Variants in PSMC1 observed in about 807,000 individuals in gnomAD.
PSMC1 encodes 26S proteasome regulatory subunit 4.
In PSMC1, 5 loss-of-function variants were observed where a neutral mutation model predicts 49.8. That is an observed-to-expected ratio of 0.10 (90% CI 0.05 to 0.21). The LOEUF (loss-of-function observed/expected upper bound fraction) is 0.21. Ranked by LOEUF, PSMC1 falls within the 10% of genes least tolerant of loss-of-function variation. The pLI is 1.00. For missense variants in PSMC1, 181 were observed against 535.7 expected (o/e 0.34, Z 6.54); for synonymous variants, 155 against 192.1 (o/e 0.81, Z 1.60).
chr14:90,268,538 T>C, intron 8 of PSMC1, 125 bp downstream of exon 8: 1 of 903,648 alleles, frequency 1.1e-6, no homozygotes, highest in Non-Finnish European at 1.7e-6. Flanking sequence ...TGGCCTTCCA[T>C]GCATGCTTTA....
intron 10 of PSMC1, 62 bp downstream of exon 10, chr14:90,270,414 A>G: frequency 1.9e-6 from 3 of 1,542,834 alleles, no homozygotes; most frequent in Non-Finnish European, 2.6e-6. Context: ...GAAAGAGTCT[A>G]TATGTGCTCT....
chr14:90,256,708 T>C (rs1891300468), intron 1 of PSMC1, 108 bp downstream of exon 1: 1 of 1,504,548 alleles, frequency 6.6e-7, no homozygotes, highest in Admixed American at 2.0e-5. Context: ...ACAGCCCTCT[T>C]CTCCTTTTGC....
At chr14:90,257,174 A>G (rs1344508836) in intron 1 of PSMC1, among the ~76,000 whole-genome samples, 1 of 150,978 alleles carries the variant, frequency 6.6e-6, no homozygotes, top group Non-Finnish European at 1.5e-5. Flanking sequence ...TTATTCATCA[A>G]TTCACTAAAC....
chr14:90,259,344 T>A lies in PSMC1; in HGVS notation c.57+131T>A, dbSNP rs533752815. The A allele has an allele frequency of 2.9e-4, 205 of 714,290 alleles. 2 individuals are homozygous for A. The South Asian group carries it at 3.9e-3, about 14-fold the overall frequency. The allele number at this position is 714,290 out of a possible 1,614,324, so 44.2% of individuals were successfully genotyped here. A position where few individuals can be genotyped will look rare whatever the true frequency, so the allele number is the denominator to read the frequency against. On this transcript the variant is annotated intron_variant, in intron 2 of 10. Coordinates refer to ENST00000261303, the MANE Select transcript of PSMC1 (RefSeq NM_002802.3). Reference sequence around the variant, plus strand: ...ATCCAGTAGTTTTTAAACTAGCCTGTCCTACAGATACAATAAATATGCTTT... The same window carrying A: ...ATCCAGTAGTTTTTAAACTAGCCTGACCTACAGATACAATAAATATGCTTT...
In PSMC1 at chr14:90,256,554, G is replaced by A. The variant is rs1388195394; in HGVS notation, c.-44G>A. ...CTTCCGCCTCTGGCGGGCCGCAGTG[G>A]TGGAGGAACTTCCGGCAGCGGCAGC... On this transcript the variant is annotated 5_prime_UTR_variant, in exon 1 of 11. It adds an upstream start codon to the 5' untranslated region. Coordinates refer to ENST00000261303, the MANE Select transcript of PSMC1 (RefSeq NM_002802.3). 1 of 1,575,726 alleles carries A rather than the reference G, an allele frequency of 6.3e-7. No homozygotes were observed. Among genetic ancestry groups the A allele is most frequent in the African/African-American group, 1.3e-5 (1 of 74,310 alleles).
chr14:90,266,917 A>G (rs1891531719), intron 7 of PSMC1, among the ~76,000 whole-genome samples: 1 of 151,916 alleles, frequency 6.6e-6, no homozygotes, highest in East Asian at 1.9e-4. Flanking sequence ...CAGCCATCCC[A>G]TTTCTGGAAA....
In PSMC1 at chr14:90,274,835, CACA is replaced by C. The variant is rs879456319; in HGVS notation, c.*2429_*2431del. ...ACACACACACACACACACACACACA[CACA>C]CCCCAATACATATGAATTGATCTGA... On this transcript the variant is annotated 3_prime_UTR_variant, in exon 11 of 11. Coordinates refer to ENST00000261303, the MANE Select transcript of PSMC1 (RefSeq NM_002802.3). The C allele has an allele frequency of 0.088, 6,477 of 73,854 alleles. 186 individuals are homozygous for C. The highest frequency in any genetic ancestry group is 0.17 in the Middle Eastern group (20 of 116). The allele number at this position is 73,854 out of a possible 1,614,324, so 4.6% of individuals were successfully genotyped here.
rs73316770 is a variant in PSMC1, at chr14:90,273,628, G to A, written c.*1221G>A. ...TCTGTAGGTCAGAAGTCCAACACGA[G>A]TGTCTCCAGGCTAAAGTCTTGCTGT... On this transcript the variant is annotated 3_prime_UTR_variant, in exon 11 of 11. Coordinates refer to ENST00000261303, the MANE Select transcript of PSMC1 (RefSeq NM_002802.3). 10,317 of 152,516 alleles carry A rather than the reference G, an allele frequency of 0.068. 392 individuals carry two copies. The highest frequency in any genetic ancestry group is 0.11 in the Middle Eastern group (34 of 322). The allele number at this position is 152,516 out of a possible 1,614,324, so 9.4% of individuals were successfully genotyped here. A position where few individuals can be genotyped will look rare whatever the true frequency, so the allele number is the denominator to read the frequency against.
At chr14:90,261,943 T>A (rs1054535109) in intron 3 of PSMC1, among the ~76,000 whole-genome samples, 8 of 151,836 alleles carry the variant, frequency 5.3e-5, no homozygotes, top group Non-Finnish European at 8.8e-5. Context: ...ATGTGGCACA[T>A]ATACACCATG....
chr14:90,269,472 T>C lies in PSMC1; in HGVS notation c.957T>C (p.Phe319=). 1 of 1,613,604 alleles carries C rather than the reference T, an allele frequency of 6.2e-7. No individual in the cohort carries two copies. The highest frequency in any genetic ancestry group is 1.1e-5 in the South Asian group (1 of 91,060). ...MLELLNQLDG[F]DSRGDVKVIM... is the part of the protein sequence containing the mutation. ...AACTGCTGAACCAGTTGGATGGATT[T>C]GATTCTAGGGGAGATGTGAAAGTTA... Residue 319 remains phenylalanine (F), a synonymous_variant, in exon 9 of 11, where the codon TTT becomes TTC. Coordinates refer to ENST00000261303, the MANE Select transcript of PSMC1 (RefSeq NM_002802.3).
chr14:90,263,116 C>G (rs55962513), intron 3 of PSMC1, among the ~76,000 whole-genome samples: 83,783 of 152,030 alleles, frequency 0.55, 23,773 homozygotes, highest in Middle Eastern at 0.72. Context: ...GGTCATAAAC[C>G]CCATCCCCAT....
chr14:90,261,828 A>T (rs11846294), intron 3 of PSMC1, among the ~76,000 whole-genome samples: 78,765 of 145,370 alleles, frequency 0.54, 22,171 homozygotes, highest in Middle Eastern at 0.71. Flanking sequence ...ATATAAATCA[A>T]GCTGCTATAA....
rs556702903 is a variant in PSMC1 at position 90,274,717 on chromosome 14, G to A, written c.*2310G>A. On this transcript the variant is annotated 3_prime_UTR_variant, in exon 11 of 11. Transcript: ENST00000261303. ...GAAGGGGCTTCCACTGGCCAAACTC[G>A]GGACAATCTGAGCATCCTAACAAAC... The A allele has an allele frequency of 1.9e-4, 28 of 150,852 alleles. No homozygotes were observed. Among genetic ancestry groups the A allele is most frequent in the Non-Finnish European group, 3.1e-4 (21 of 67,936 alleles). The allele number at this position is 150,852 out of a possible 1,614,324, so 9.3% of individuals were successfully genotyped here.
At chr14:90,260,233 G>A (rs764617987) in intron 3 of PSMC1, 22 bp downstream of exon 3, 1 of 1,536,452 alleles carries the variant, frequency 6.5e-7, no homozygotes, top group Non-Finnish European at 9.0e-7. Context: ...GCTTCTCCTT[G>A]CCATCTTTCC....
intron 10 of PSMC1, chr14:90,270,583 G>T: frequency 4.4e-6 from 2 of 450,772 alleles, no homozygotes; most frequent in South Asian, 4.3e-5. Context: ...CCACAAGGCT[G>T]AGTCGCTGGT....
At chr14:90,263,083 G>A (rs4904662) in intron 3 of PSMC1, among the ~76,000 whole-genome samples, 83,744 of 151,950 alleles carry the variant, frequency 0.55, 23,764 homozygotes, top group Middle Eastern at 0.72. Flanking sequence ...CAGCCAGGGT[G>A]TGTCATTTGG....
intron 5 of PSMC1, 55 bp from the exon 6 acceptor site, chr14:90,263,986 A>G (rs901167917): frequency 1.6e-5 from 25 of 1,586,492 alleles, no homozygotes; most frequent in Non-Finnish European, 2.1e-5. Context: ...GCTTTGCTGT[A>G]AACAGATCCA....
intron 3 of PSMC1, among the ~76,000 whole-genome samples, chr14:90,261,291 C>T (rs61989980): frequency 0.55 from 83,312 of 151,576 alleles, 23,527 homozygotes; most frequent in Middle Eastern, 0.72. Context: ...AAATGCTCAT[C>T]TAAATATGCT....
intron 7 of PSMC1, among the ~76,000 whole-genome samples, chr14:90,266,426 G>A (rs1018051651): frequency 2.0e-5 from 3 of 152,188 alleles, no homozygotes; most frequent in African/African-American, 7.2e-5. Context: ...ATGGAGAGAC[G>A]GAGACACCTG....
Sources: gnomAD v4.1 joint callset for allele counts (sites outside exome capture counted in the v4.1 genomes callset) on GRCh38, gnomAD v4.1.1 for gene constraint, MANE v1.5 for transcripts, NCBI Gene and HGNC (gene_info 2026-07-23, HGNC 2026-07-21) for gene names.